PRKG1: variants seen among roughly 807,000 people sequenced by gnomAD.
PRKG1 encodes cGMP-dependent protein kinase 1.
In PRKG1, 35 loss-of-function variants were observed where a neutral mutation model predicts 88.1. The observed-to-expected ratio is 0.40, with a 90% CI of 0.30 to 0.53. The LOEUF (loss-of-function observed/expected upper bound fraction) is 0.53. Among genes scored for constraint, PRKG1 ranks in the 20% least tolerant of loss-of-function variants. PRKG1 has a pLI of 0.59. For missense variants in PRKG1, 540 were observed against 839.8 expected, an observed-to-expected ratio of 0.64 and a Z score of 4.41; for synonymous variants, 303 against 292.5, an observed-to-expected ratio of 1.04 and a Z score of -0.37.
intron 4 of PRKG1, among the ~76,000 whole-genome samples, chr10:51,888,685 T>G (rs1370458852): frequency 6.6e-6 from 1 of 152,208 alleles, no homozygotes; most frequent in Non-Finnish European, 1.5e-5. Context: ...GAATTCCCAC[T>G]GCAGCTCTAG....
chr10:51,712,288 CTTGCTT>C (rs1841772371), intron 3 of PRKG1, among the ~76,000 whole-genome samples: 1 of 152,132 alleles, frequency 6.6e-6, no homozygotes, highest in African/African-American at 2.4e-5. Flanking sequence ...GGTCTTATGA[CTTGCTT>C]CAGGGGAAGA....
chr10:51,882,774 T>C (rs1285811938), intron 4 of PRKG1, among the ~76,000 whole-genome samples: 1 of 152,214 alleles, frequency 6.6e-6, no homozygotes, highest in Non-Finnish European at 1.5e-5. Context: ...TCATCAATCC[T>C]TCATGCCAAT....
chr10:52,246,651 C>T (rs182565255), intron 9 of PRKG1, among the ~76,000 whole-genome samples: 22 of 151,970 alleles, frequency 1.4e-4, no homozygotes, highest in African/African-American at 4.6e-4. Context: ...CCGAGGCAGG[C>T]GGATCACCTG....
intron 3 of PRKG1, among the ~76,000 whole-genome samples, chr10:51,666,577 T>A (rs971271391): frequency 6.6e-6 from 1 of 152,146 alleles, no homozygotes; most frequent in East Asian, 1.9e-4. Context: ...TATAATAATA[T>A]ACCATAAATG....
intron 2 of PRKG1, among the ~76,000 whole-genome samples, chr10:51,171,299 G>T (rs570588440): frequency 6.6e-6 from 1 of 152,234 alleles, no homozygotes; most frequent in Admixed American, 6.5e-5. Flanking sequence ...TTGTATCAGG[G>T]ATTGGCTAAA....
At chr10:51,967,203 G>A (rs1477180993) in intron 5 of PRKG1, among the ~76,000 whole-genome samples, 3 of 152,186 alleles carry the variant, frequency 2.0e-5, no homozygotes, top group Non-Finnish European at 4.4e-5. Flanking sequence ...AATGTGGCAC[G>A]TATATACCAA....
rs1829956913 is a variant in PRKG1, at chr10:51,223,547, T to C, written c.478+70217T>C. Reference sequence around the variant, plus strand: ...ATGTATTCTCTATAGGATTCTACTATCCATTAAAAAATTTGTCCTTTTACT... The same window carrying C: ...ATGTATTCTCTATAGGATTCTACTACCCATTAAAAAATTTGTCCTTTTACT... On this transcript the variant is annotated intron_variant, in intron 2 of 17. Coordinates refer to ENST00000373980, the MANE Select transcript of PRKG1 (RefSeq NM_006258.4). 2.6e-5 allele frequency among the ~76,000 whole-genome samples: 4 copies of C among 152,190 alleles called. No individual in the cohort carries two copies. The South Asian group carries it at 8.3e-4, about 31-fold the overall frequency.
intron 3 of PRKG1, among the ~76,000 whole-genome samples, chr10:51,773,833 C>T (rs1327878098): frequency 6.6e-6 from 1 of 151,996 alleles, no homozygotes; most frequent in Non-Finnish European, 1.5e-5. Flanking sequence ...TTAAGTATTA[C>T]ACAGCTGGTG....
chr10:52,178,678 G>T (rs558405395), intron 9 of PRKG1, among the ~76,000 whole-genome samples: 1 of 152,000 alleles, frequency 6.6e-6, no homozygotes, highest in South Asian at 2.1e-4. Flanking sequence ...GGGTGCTCTG[G>T]CATTAAATGC....
chr10:52,246,140 G>C lies in PRKG1; in HGVS notation c.1077-5430G>C, dbSNP rs374912723. 2.6e-5 allele frequency among the ~76,000 whole-genome samples: 4 copies of C among 152,240 alleles called. No individual in the cohort carries two copies. In the East Asian group the frequency reaches 5.8e-4, roughly 22 times the overall value. ...CTTAATAATAATGGTCAGTCATAAG[G>C]TGTAGCATCTGACTCTGTTAATTTA... is the stretch of plus-strand genomic sequence containing the variant. On this transcript the variant is annotated intron_variant, in intron 9 of 17. Coordinates refer to ENST00000373980, the MANE Select transcript of PRKG1 (RefSeq NM_006258.4).
chr10:51,107,120 G>T (rs1844855198), intron 1 of PRKG1, among the ~76,000 whole-genome samples: 1 of 152,094 alleles, frequency 6.6e-6, no homozygotes, highest in Admixed American at 6.6e-5. Flanking sequence ...AAAGGGGGTG[G>T]CCATGAAATG....
chr10:52,125,775 A>G (rs1262140660), intron 7 of PRKG1: 1 of 152,208 alleles, frequency 6.6e-6, no homozygotes, highest in Non-Finnish European at 1.5e-5. Flanking sequence ...CAACCTCACC[A>G]TATGACCTTT....
At chr10:52,233,953 G>T (rs1289501737) in intron 9 of PRKG1, among the ~76,000 whole-genome samples, 1 of 152,158 alleles carries the variant, frequency 6.6e-6, no homozygotes, top group South Asian at 2.1e-4. Context: ...CTCCCAGCAC[G>T]CAGCTGGAGA....
chr10:51,583,669 A>G (rs1184997393), intron 3 of PRKG1, among the ~76,000 whole-genome samples: 1 of 152,114 alleles, frequency 6.6e-6, no homozygotes, highest in Non-Finnish European at 1.5e-5. Flanking sequence ...AAAATTTCAT[A>G]AGCAAATGTC....
At position 51,884,456 on chromosome 10, in the gene PRKG1, A is replaced by AAAAG. The variant is rs1282568225; in HGVS notation, c.699-23048_699-23047insGAAA. 3.4e-5 allele frequency among the ~76,000 whole-genome samples: 5 copies of AAAAG among 145,552 alleles called. No individual in the cohort carries two copies. In the East Asian group the frequency reaches 9.7e-4, roughly 28 times the overall value. On this transcript the variant is annotated intron_variant, in intron 4 of 17. Transcript: ENST00000373980. ...TGAAACTCCGTCTCAAAAAAAAAAA[A>AAAAG]AAAAAAAAAAAAAAGAAAAGTTTAG... is the stretch of plus-strand genomic sequence containing the variant.
Position 52,272,458 on chromosome 10 carries a change from G to C in PRKG1, c.1380G>C (p.Glu460Asp). The part of the protein sequence containing the change: ...YMLMEACLGG[E>D]LWTILRDRGS... ...TGATGGAAGCTTGTCTAGGTGGAGA[G>C]CTCTGGACCATTCTCAGGGATAGGT... is the stretch of plus-strand genomic sequence containing the variant. The change falls in exon 12 of 18, where the codon GAG becomes GAC. Residue 460 changes from glutamate to aspartate, a missense_variant. Glu to Asp is a conservative substitution (Grantham distance 45). Transcript: ENST00000373980. The C allele has an allele frequency of 1.2e-6, 2 of 1,609,730 alleles. No homozygotes were observed. Among genetic ancestry groups the C allele is most frequent in the Non-Finnish European group, 1.7e-6 (2 of 1,176,846 alleles).
At position 51,153,173 on chromosome 10, in the gene PRKG1, T is replaced by G; in HGVS notation, c.321T>G (p.Asp107Glu). 1 of 1,611,534 alleles carries G rather than the reference T, an allele frequency of 6.2e-7. No individual in the cohort carries two copies. The highest frequency in any genetic ancestry group is 8.5e-7 in the Non-Finnish European group (1 of 1,178,374). ...PFYPKSPQSKDLIKEAILDND... is the reference protein window; with the variant it reads ...PFYPKSPQSKELIKEAILDND... ...CCCTCTCTTGCCATAGGTCCAAGGA[T>G]CTTATAAAGGAAGCTATCCTTGACA... Residue 107 changes from aspartate to glutamate, a missense_variant, in exon 2 of 18, where the codon GAT becomes GAG. Physicochemically the swap from Asp to Glu is conservative, Grantham distance 45. Around this residue, in one of 5 missense-constraint regions of PRKG1, gnomAD observed 400 missense variants for 562.7 expected, o/e 0.71. Transcript: ENST00000373980.
At chr10:52,090,368 C>A (rs1415012119) in intron 7 of PRKG1, among the ~76,000 whole-genome samples, 5 of 151,088 alleles carry the variant, frequency 3.3e-5, no homozygotes, top group Non-Finnish European at 5.9e-5. Flanking sequence ...GGATTGCAAA[C>A]CATATAATAA....
At chr10:51,172,598 GTCTA>G (rs1442683132) in intron 2 of PRKG1, among the ~76,000 whole-genome samples, 2 of 143,616 alleles carry the variant, frequency 1.4e-5, no homozygotes, top group Admixed American at 6.9e-5. Context: ...ACCTATGTCT[GTCTA>G]TGTATGTATG....
Sources: allele counts gnomAD v4.1 joint callset (sites outside exome capture counted in the v4.1 genomes callset), GRCh38; gene constraint gnomAD v4.1.1; regional missense constraint gnomAD v4.1.1; transcripts MANE v1.5; gene names NCBI Gene and HGNC (gene_info 2026-07-23, HGNC 2026-07-21).